CTNND2: variants seen among roughly 807,000 people sequenced by gnomAD.
CTNND2 encodes catenin delta-2.
CTNND2 carries 22 observed loss-of-function variants against 144.4 expected under a neutral mutation model. The observed-to-expected ratio is 0.15, with a 90% CI of 0.11 to 0.22. CTNND2 has a LOEUF of 0.22. Among genes scored for constraint, CTNND2 ranks in the 10% least tolerant of loss-of-function variants. The pLI is 1.00. For missense variants in CTNND2, 1,353 were observed against 1,618.8 expected (o/e 0.84, Z 2.82); for synonymous variants, 751 against 695.6 (o/e 1.08, Z -1.25).
intron 2 of CTNND2, among the ~76,000 whole-genome samples, chr5:11,626,349 T>TA (rs1287060679): frequency 6.6e-6 from 1 of 152,184 alleles, no homozygotes; most frequent in Non-Finnish European, 1.5e-5. Flanking sequence ...TGCATTGTCT[T>TA]AAAAATGAAC....
At chr5:11,323,942 G>A (rs1752292639) in intron 9 of CTNND2, among the ~76,000 whole-genome samples, 1 of 152,088 alleles carries the variant, frequency 6.6e-6, no homozygotes, top group African/African-American at 2.4e-5. Context: ...CTTTAAGGAA[G>A]CTGAGGTGCT....
chr5:11,295,840 C>G (rs188334824), intron 9 of CTNND2, among the ~76,000 whole-genome samples: 2 of 151,918 alleles, frequency 1.3e-5, no homozygotes, highest in Non-Finnish European at 2.9e-5. Flanking sequence ...ATTCAAGATG[C>G]ATTAAAGACT....
At position 11,564,971 on chromosome 5, in the gene CTNND2, G is replaced by T. The variant is rs879590937; in HGVS notation, c.260C>A (p.Ser87Tyr). The T allele has an allele frequency of 6.2e-7, 1 of 1,613,952 alleles. No homozygotes were observed. The change falls in exon 3 of 22, where the codon TCC (serine) becomes TAC (tyrosine). Residue 87 changes from serine (S) to tyrosine (Y), a missense_variant. By Grantham distance (144) the Ser-to-Tyr change is moderately radical. Coordinates refer to ENST00000304623, the MANE Select transcript of CTNND2 (RefSeq NM_001332.4). Reference sequence around the variant, plus strand: ...CATGCTGCTCATGCTGCCAGTCTCGGATCCGAGCTTGCATCGCTCCAGCTG... The same window carrying T: ...CATGCTGCTCATGCTGCCAGTCTCGTATCCGAGCTTGCATCGCTCCAGCTG... ...ASQLERCKLG[S>Y]ETGSMSSMSS...
At chr5:11,221,983 G>C (rs1396166689) in intron 10 of CTNND2, among the ~76,000 whole-genome samples, 1 of 152,204 alleles carries the variant, frequency 6.6e-6, no homozygotes, top group African/African-American at 2.4e-5. Context: ...TTCAGGTACA[G>C]GTCTTCTTCT....
chr5:11,203,009 T>C (rs1274862321), intron 10 of CTNND2, among the ~76,000 whole-genome samples: 1 of 152,114 alleles, frequency 6.6e-6, no homozygotes. Context: ...TTCATCATAC[T>C]GGTCAGGCTG....
At chr5:11,828,659 G>A (rs1793729487) in intron 1 of CTNND2, among the ~76,000 whole-genome samples, 1 of 152,152 alleles carries the variant, frequency 6.6e-6, no homozygotes, top group African/African-American at 2.4e-5. Flanking sequence ...CCAGCCACGT[G>A]GAACAGTAAT....
At chr5:11,521,560 G>A (rs1380124843) in intron 3 of CTNND2, among the ~76,000 whole-genome samples, 3 of 152,170 alleles carry the variant, frequency 2.0e-5, no homozygotes, top group Admixed American at 1.3e-4. Flanking sequence ...TATATACATA[G>A]TCAACATTTA....
At chr5:11,409,328 T>C (rs981965960) in intron 5 of CTNND2, among the ~76,000 whole-genome samples, 1 of 152,054 alleles carries the variant, frequency 6.6e-6, no homozygotes, top group East Asian at 1.9e-4. Flanking sequence ...TATCTTCTAG[T>C]AGCTGGTCAA....
At chr5:11,264,620 C>T (rs2149962932) in intron 9 of CTNND2, among the ~76,000 whole-genome samples, 1 of 152,290 alleles carries the variant, frequency 6.6e-6, no homozygotes. Flanking sequence ...AAGAACAATT[C>T]TGCACTTTTG....
intron 5 of CTNND2, among the ~76,000 whole-genome samples, chr5:11,405,130 C>T (rs756257048): frequency 1.3e-5 from 2 of 152,062 alleles, no homozygotes; most frequent in Admixed American, 6.5e-5. Flanking sequence ...ATTTGTGTTC[C>T]GGGAATCTAC....
At chr5:11,156,465 A>G (rs1347165757) in intron 12 of CTNND2, among the ~76,000 whole-genome samples, 1 of 152,146 alleles carries the variant, frequency 6.6e-6, no homozygotes, top group East Asian at 1.9e-4. Flanking sequence ...TTTCCAAGCT[A>G]TACTAGTTTA....
At chr5:11,519,208 C>T (rs1772490540) in intron 3 of CTNND2, among the ~76,000 whole-genome samples, 1 of 152,188 alleles carries the variant, frequency 6.6e-6, no homozygotes. Flanking sequence ...TACACTTGAT[C>T]ATTCTTAATA....
intron 9 of CTNND2, among the ~76,000 whole-genome samples, chr5:11,254,289 A>G (rs1054258978): frequency 6.6e-6 from 1 of 152,212 alleles, no homozygotes; most frequent in African/African-American, 2.4e-5. Context: ...GTTTCCCTGA[A>G]TACATACCCT....
intron 11 of CTNND2, among the ~76,000 whole-genome samples, chr5:11,164,000 C>T (rs1156903138): frequency 6.6e-6 from 1 of 152,114 alleles, no homozygotes; most frequent in Non-Finnish European, 1.5e-5. Flanking sequence ...AGGCTGGCTC[C>T]TTCCAGAGGA....
chr5:11,745,301 G>C (rs537986939), intron 1 of CTNND2, among the ~76,000 whole-genome samples: 1 of 151,994 alleles, frequency 6.6e-6, no homozygotes, highest in Non-Finnish European at 1.5e-5. Flanking sequence ...CTTTAGATGC[G>C]CCCTTCGTGG....
At chr5:11,670,965 G>A (rs966035468) in intron 2 of CTNND2, among the ~76,000 whole-genome samples, 1 of 152,126 alleles carries the variant, frequency 6.6e-6, no homozygotes, top group Non-Finnish European at 1.5e-5. Flanking sequence ...CTGTAAGGCA[G>A]GTCTGGTGGT....
rs199870626 is a variant in CTNND2, at chr5:11,043,087, AT to A, written c.2789-20109del. Among the ~76,000 whole-genome samples the A allele has an allele frequency of 6.7e-3, 963 of 144,640 alleles. 3 individuals are homozygous for A. Among genetic ancestry groups the A allele is most frequent in the South Asian group, 0.015 (71 of 4,616 alleles). 94.9% of individuals were successfully genotyped at this position (144,640 alleles called of 152,430 possible). ...ATTTTTTATATCTAGGTCAGAGCTT[AT>A]TTTTTTTTTTTTAGGATAAAGGAAT... On this transcript the variant is annotated intron_variant, in intron 16 of 21. Coordinates refer to ENST00000304623, the MANE Select transcript of CTNND2 (RefSeq NM_001332.4).
chr5:11,435,299 C>T (rs2021825), intron 3 of CTNND2, among the ~76,000 whole-genome samples: 4,585 of 151,904 alleles, frequency 0.03, 199 homozygotes, highest in African/African-American at 0.093. Context: ...CCACCAAGCC[C>T]GGCTAATTTT....
intron 18 of CTNND2, among the ~76,000 whole-genome samples, chr5:11,016,734 G>C (rs1486140367): frequency 6.6e-6 from 1 of 152,016 alleles, no homozygotes; most frequent in Middle Eastern, 3.2e-3. Flanking sequence ...CAATGCCTAT[G>C]CCATTCTCCC....
Sources: gnomAD v4.1 joint callset for allele counts (sites outside exome capture counted in the v4.1 genomes callset) on GRCh38, gnomAD v4.1.1 for gene constraint, MANE v1.5 for transcripts, NCBI Gene and HGNC (gene_info 2026-07-23, HGNC 2026-07-21) for gene names.